SERGEF: variants seen among roughly 807,000 people sequenced by gnomAD.
SERGEF encodes secretion regulating guanine nucleotide exchange factor, also known as secretion-regulating guanine nucleotide exchange factor.
SERGEF carries 51 observed loss-of-function variants against 50.0 expected under a neutral mutation model. The ratio of observed to expected loss-of-function variants is 1.02; its 90% CI spans 0.81 to 1.29. SERGEF has a LOEUF of 1.29. Among genes scored for constraint, SERGEF ranks in the 50% most tolerant of loss-of-function variants. The probability of loss-of-function intolerance (pLI) is 0.00; values close to 1 mark genes in which losing one functional copy is unlikely to be tolerated. For missense variants in SERGEF, 521 were observed against 557.0 expected (o/e 0.94, Z 0.65); for synonymous variants, 205 against 212.4 (o/e 0.97, Z 0.30).
At chr11:17,955,493 G>A (rs1291524802) in intron 9 of SERGEF, among the ~76,000 whole-genome samples, 1 of 152,160 alleles carries the variant, frequency 6.6e-6, no homozygotes, top group South Asian at 2.1e-4. Flanking sequence ...ATAAAAGGTG[G>A]GACAGCACAC....
At chr11:17,811,671 T>C (rs1226462709) in intron 10 of SERGEF, among the ~76,000 whole-genome samples, 2 of 152,218 alleles carry the variant, frequency 1.3e-5, no homozygotes, top group Non-Finnish European at 2.9e-5. Flanking sequence ...GGCACTGTGC[T>C]GGGCGCTCCG....
intron 10 of SERGEF, among the ~76,000 whole-genome samples, chr11:17,859,215 G>T (rs9633897): frequency 0.97 from 147,137 of 152,316 alleles, 71,112 homozygotes; most frequent in East Asian, 1. Context: ...GAAAACATTT[G>T]TTTAAACTCT....
At chr11:17,853,841 A>C (rs1192614219) in intron 10 of SERGEF, 1 of 151,956 alleles carries the variant, frequency 6.6e-6, no homozygotes, top group Non-Finnish European at 1.5e-5. Context: ...CAAAAACAAA[A>C]AAAACATATA....
At position 17,811,449 on chromosome 11, in the gene SERGEF, C is replaced by G. The variant is rs59656450; in HGVS notation, c.1049-23036G>C. ...GAAAATAATGGGTTTGACTAAGGCTCCAAGCTAAGAAGCCACTTGCTTGTC... is the reference window on the plus strand; with the variant it reads ...GAAAATAATGGGTTTGACTAAGGCTGCAAGCTAAGAAGCCACTTGCTTGTC... On this transcript the variant is annotated intron_variant, in intron 10 of 10. Transcript: ENST00000265965. Among the ~76,000 whole-genome samples the G allele has an allele frequency of 5.6e-3, 860 of 152,318 alleles. 8 individuals are homozygous for G. Among genetic ancestry groups the G allele is most frequent in the African/African-American group, 0.016 (669 of 41,568 alleles).
chr11:17,964,450 G>C (rs1455398219), intron 8 of SERGEF, among the ~76,000 whole-genome samples: 4 of 152,274 alleles, frequency 2.6e-5, no homozygotes, highest in Admixed American at 1.3e-4. Flanking sequence ...CCCTGTTCTA[G>C]GGAAGGGAGT....
intron 8 of SERGEF, 138 bp downstream of exon 8, chr11:17,988,459 G>T: frequency 1.3e-6 from 1 of 781,278 alleles, no homozygotes; most frequent in Non-Finnish European, 1.9e-6. Context: ...GCTGGTGGCA[G>T]AACTAGATCC....
chr11:17,831,541 G>C (rs150477457), intron 10 of SERGEF, among the ~76,000 whole-genome samples: 92 of 152,324 alleles, frequency 6.0e-4, no homozygotes, highest in Non-Finnish European at 9.8e-4. Flanking sequence ...CTGGCAAATG[G>C]ATCCCATTTC....
chr11:17,934,462 A>C (rs1355155371), intron 9 of SERGEF, among the ~76,000 whole-genome samples: 1 of 152,198 alleles, frequency 6.6e-6, no homozygotes. Flanking sequence ...ATTTATCTTT[A>C]ATTCATTGTC....
chr11:17,883,908 C>T (rs1221148355), intron 9 of SERGEF, among the ~76,000 whole-genome samples: 2 of 131,190 alleles, frequency 1.5e-5, no homozygotes, highest in East Asian at 2.1e-4. Context: ...GACAGAACGC[C>T]GCCAGATTGT....
At chr11:17,801,832 G>A (rs1351673754) in intron 10 of SERGEF, among the ~76,000 whole-genome samples, 1 of 152,126 alleles carries the variant, frequency 6.6e-6, no homozygotes, top group Non-Finnish European at 1.5e-5. Flanking sequence ...CTTATGGTTC[G>A]ATGGGGCCTA....
At chr11:18,004,557 AT>A in intron 3 of SERGEF, 22 bp from the exon 4 acceptor site, 1 of 1,537,510 alleles carries the variant, frequency 6.5e-7, no homozygotes, top group Non-Finnish European at 9.0e-7. Context: ...AAATACTTAA[AT>A]TGCAAATCTA....
intron 10 of SERGEF, among the ~76,000 whole-genome samples, chr11:17,832,923 A>G (rs183368540): frequency 6.6e-6 from 1 of 152,356 alleles, no homozygotes; most frequent in Admixed American, 6.5e-5. Context: ...ATTCAGCTTT[A>G]TAAGGGAAGC....
At position 17,926,570 on chromosome 11, in the gene SERGEF, A is replaced by G. The variant is rs544956943; in HGVS notation, c.1011+32900T>C. Among the ~76,000 whole-genome samples the G allele has an allele frequency of 2.0e-5, 3 of 152,286 alleles. No individual in the cohort carries two copies. In the East Asian group the frequency reaches 5.8e-4, roughly 29 times the overall value. On this transcript the variant is annotated intron_variant, in intron 9 of 10. Coordinates refer to ENST00000265965, the MANE Select transcript of SERGEF (RefSeq NM_012139.4). The stretch of plus-strand genomic sequence containing the variant: ...CAGAAGCAGCCTCAGTGTGCTGCCC[A>G]TTCCTGCCCTGATCTTGTTCCTTGG...
chr11:17,989,986 T>C (rs1467999770), intron 7 of SERGEF, among the ~76,000 whole-genome samples: 1 of 152,240 alleles, frequency 6.6e-6, no homozygotes, highest in Non-Finnish European at 1.5e-5. Flanking sequence ...TTCTAGAAGA[T>C]AAATTAATCA....
chr11:17,878,484 G>C (rs1193161579), intron 9 of SERGEF, among the ~76,000 whole-genome samples: 1 of 152,146 alleles, frequency 6.6e-6, no homozygotes, highest in East Asian at 1.9e-4. Context: ...TCTTTAGCTA[G>C]TGAGACCATG....
At chr11:18,001,415 C>T (rs1232871577) in intron 4 of SERGEF, among the ~76,000 whole-genome samples, 1 of 152,026 alleles carries the variant, frequency 6.6e-6, no homozygotes, top group African/African-American at 2.4e-5. Context: ...GCATCTCTCC[C>T]TCTCTCTCTC....
chr11:17,894,185 T>TC (rs1456321018), intron 9 of SERGEF, among the ~76,000 whole-genome samples: 2 of 151,978 alleles, frequency 1.3e-5, no homozygotes, highest in Non-Finnish European at 2.9e-5. Flanking sequence ...ATCAAACCCC[T>TC]CCACACAGCA....
At chr11:17,798,472 CCCCCAG>C (rs1483927124) in intron 10 of SERGEF, among the ~76,000 whole-genome samples, 1 of 152,222 alleles carries the variant, frequency 6.6e-6, no homozygotes, top group African/African-American at 2.4e-5. Context: ...GCCCTCCCCA[CCCCCAG>C]CCCCAGGAGT....
intron 9 of SERGEF, among the ~76,000 whole-genome samples, chr11:17,949,303 C>G (rs1196577234): frequency 6.6e-6 from 1 of 152,048 alleles, no homozygotes; most frequent in African/African-American, 2.4e-5. Flanking sequence ...CCTAAGGCAG[C>G]TATCCAATAT....
Sources: gnomAD v4.1 joint callset for allele counts (sites outside exome capture counted in the v4.1 genomes callset) on GRCh38, gnomAD v4.1.1 for gene constraint, MANE v1.5 for transcripts, NCBI Gene and HGNC (gene_info 2026-07-23, HGNC 2026-07-21) for gene names.